The following P2RX4 variants were observed in gnomAD, a reference collection of about 807,000 sequenced individuals.
The protein encoded by P2RX4 is P2X purinoceptor 4.
Under a neutral mutation model 48.0 loss-of-function variants are expected in P2RX4, and 37 were observed. The observed-to-expected ratio is 0.77, with a 90% CI of 0.59 to 1.01. The LOEUF is 1.01. Among genes scored for constraint, P2RX4 ranks in the 50% least tolerant of loss-of-function variants. The pLI is 0.00. For synonymous variants in P2RX4, 200 were observed against 199.7 expected (o/e 1.00, Z -0.01); for missense variants, 501 against 521.4 (o/e 0.96, Z 0.38).
Position 121,233,034 on chromosome 12 carries a change from T to C in P2RX4, c.1082T>C (p.Met361Thr), listed in dbSNP as rs1459175519. Residue 361 changes from methionine to threonine, a missense_variant, in exon 11 of 12, where the codon ATG (methionine) becomes ACG (threonine). Around this residue, in one of 3 missense-constraint regions of P2RX4, gnomAD observed 197 missense variants for 219.5 expected, o/e 0.90. Coordinates refer to ENST00000337233, the MANE Select transcript of P2RX4 (RefSeq NM_002560.3). The part of the protein sequence containing the change: ...VLCDIIVLYC[M>T]KKRLYYREKK... ...TGTGACATCATAGTCCTCTACTGCA[T>C]GAAGAAAAGACTCTACTATCGGGAG... The C allele has an allele frequency of 3.7e-6, 6 of 1,614,012 alleles. No individual in the cohort carries two copies. The highest frequency in any genetic ancestry group is 1.7e-5 in the Admixed American group (1 of 60,024).
chr12:121,216,071 CTAA>C, intron 1 of P2RX4: 1 of 152,338 alleles, frequency 6.6e-6, no homozygotes, highest in South Asian at 2.1e-4. Context: ...TATGCTAACA[CTAA>C]CAATAGCTGA....
chr12:121,218,320 CTAAAAATACA>C (rs1886361691), intron 2 of P2RX4, among the ~76,000 whole-genome samples: 1 of 152,038 alleles, frequency 6.6e-6, no homozygotes, highest in South Asian at 2.1e-4. Flanking sequence ...ACCCTGTCTA[CTAAAAATACA>C]AAAATTAGTG....
At chr12:121,227,894 T>C (rs1380720436) in intron 5 of P2RX4, among the ~76,000 whole-genome samples, 4 of 146,520 alleles carry the variant, frequency 2.7e-5, no homozygotes, top group African/African-American at 7.6e-5. Context: ...AAGACCAGCC[T>C]GGGCAATGTA....
At position 121,221,951 on chromosome 12, in the gene P2RX4, C is replaced by A. The variant is rs368512274; in HGVS notation, c.321C>A (p.Leu107=). The A allele has an allele frequency of 4.3e-6, 7 of 1,614,130 alleles. No homozygotes were observed. Among genetic ancestry groups the A allele is most frequent in the South Asian group, 3.3e-5 (3 of 91,094 alleles). The change falls in exon 3 of 12, where the codon CTC becomes CTA. Residue 107 remains leucine (L), a synonymous_variant. Transcript: ENST00000337233. ...NSLFVMTNVI[L]TMNQTQGLCP... ...TCTTCGTCATGACCAACGTGATCCT[C>A]ACCATGAACCAGACACAGGGCCTGT...
chr12:121,228,407 C>CACACACACACACACAG (rs1887124506), intron 5 of P2RX4, 126 bp from the exon 6 acceptor site: 2 of 203,810 alleles, frequency 9.8e-6, no homozygotes, highest in Non-Finnish European at 1.9e-5. Flanking sequence ...TATATATATA[C>CACACACACACACACAG]ACACACACAC....
chr12:121,219,942 G>T (rs943654112), intron 2 of P2RX4, among the ~76,000 whole-genome samples: 4 of 152,132 alleles, frequency 2.6e-5, no homozygotes, highest in African/African-American at 4.8e-5. Flanking sequence ...ATCTTTTGGG[G>T]TCTTTGCCTT....
rs184319174 is a variant in P2RX4, at chr12:121,210,198, C to T, written c.34C>T (p.Leu12=). ...CTGCTGCGCCGCGCTGGCGGCCTTC[C>T]TGTTCGAGTACGACACGCCGCGCAT... ...AGCCAALAAF[L]FEYDTPRIVL... The change falls in exon 1 of 12, where the codon CTG becomes TTG. Residue 12 remains leucine, a synonymous_variant. Transcript: ENST00000337233. 1.6e-4 allele frequency: 242 copies of T among 1,546,340 alleles called. 1 individual carries two copies. Among genetic ancestry groups the T allele is most frequent in the Non-Finnish European group, 2.0e-4 (235 of 1,152,400 alleles).
chr12:121,228,717 G>A lies in P2RX4; in HGVS notation c.606-8G>A, dbSNP rs764157660. 16 of 1,613,838 alleles carry A rather than the reference G, an allele frequency of 9.9e-6. No homozygotes were observed. Among genetic ancestry groups the A allele is most frequent in the Middle Eastern group, 1.7e-4 (1 of 6,060 alleles). On this transcript the variant is annotated splice_polypyrimidine_tract_variant and splice_region_variant and intron_variant, in intron 6 of 11. Coordinates refer to ENST00000337233, the MANE Select transcript of P2RX4 (RefSeq NM_002560.3). ...TCGCTCTGATTTTCTGCTTCCTCTCGACTTTAGGAGGAATATCCTTCCCAA... is the reference window on the plus strand; with the variant it reads ...TCGCTCTGATTTTCTGCTTCCTCTCAACTTTAGGAGGAATATCCTTCCCAA...
chr12:121,221,542 C>T (rs1335510097), intron 2 of P2RX4, among the ~76,000 whole-genome samples: 7 of 151,738 alleles, frequency 4.6e-5, no homozygotes, highest in African/African-American at 1.7e-4. Flanking sequence ...TACAGGTGCC[C>T]GCCATCACAC....
At chr12:121,225,045 T>C (rs1443961980) in intron 5 of P2RX4, among the ~76,000 whole-genome samples, 1 of 151,420 alleles carries the variant, frequency 6.6e-6, no homozygotes, top group Non-Finnish European at 1.5e-5. Flanking sequence ...GGGCTGTCCA[T>C]AGGAAGTGCA....
At chr12:121,217,771 A>G (rs933321233) in intron 2 of P2RX4, among the ~76,000 whole-genome samples, 10 of 150,952 alleles carry the variant, frequency 6.6e-5, no homozygotes, top group East Asian at 5.8e-4. Flanking sequence ...ATAAAAAAAA[A>G]AAAAAAGAAA....
Position 121,221,851 on chromosome 12 carries a change from C to T in P2RX4, c.283-62C>T, listed in dbSNP as rs1886631783. On this transcript the variant is annotated intron_variant, in intron 2 of 11. Coordinates refer to ENST00000337233, the MANE Select transcript of P2RX4 (RefSeq NM_002560.3). Reference sequence around the variant, plus strand: ...AGTTGTCCTCTTCAGTCAGCGTCTGCCTTTCTTGGCTCTCCGTGAGTCCTC... The same window carrying T: ...AGTTGTCCTCTTCAGTCAGCGTCTGTCTTTCTTGGCTCTCCGTGAGTCCTC... 5.6e-6 allele frequency: 8 copies of T among 1,416,242 alleles called. No individual in the cohort carries two copies. In the Admixed American group the frequency reaches 1.3e-4, roughly 24 times the overall value. 87.7% of individuals were successfully genotyped at this position (1,416,242 alleles called of 1,614,324 possible).
intron 2 of P2RX4, among the ~76,000 whole-genome samples, chr12:121,219,582 T>G (rs1431133976): frequency 1.1e-5 from 1 of 90,304 alleles, no homozygotes; most frequent in Non-Finnish European, 2.4e-5. Context: ...GGGTGGTGGA[T>G]GGATGGATGG....
Position 121,221,945 on chromosome 12 carries a change from G to T in P2RX4, c.315G>T (p.Val105=). The T allele has an allele frequency of 6.2e-7, 1 of 1,614,214 alleles. No individual in the cohort carries two copies. ...ACTCCCTCTTCGTCATGACCAACGT[G>T]ATCCTCACCATGAACCAGACACAGG... ...EENSLFVMTN[V]ILTMNQTQGL... The change falls in exon 3 of 12, where the codon GTG becomes GTT. Residue 105 remains valine (V), a synonymous_variant. Transcript: ENST00000337233.
chr12:121,210,375 C>T, intron 1 of P2RX4, 77 bp downstream of exon 1: 4 of 1,329,370 alleles, frequency 3.0e-6, no homozygotes, highest in South Asian at 1.9e-5. Context: ...ATCCTGGCCT[C>T]GGTCACCTGG....
chr12:121,222,423 G>GT (rs1166305949), intron 4 of P2RX4: 14 of 390,346 alleles, frequency 3.6e-5, no homozygotes, highest in Non-Finnish European at 5.9e-5. Context: ...TTGTTTTTTT[G>GT]TTTTTTTGAG....
intron 4 of P2RX4, chr12:121,222,370 T>G (rs1886679347): frequency 1.7e-6 from 1 of 572,474 alleles, no homozygotes; most frequent in African/African-American, 1.9e-5. Flanking sequence ...TACTGTTTTT[T>G]TTTTTGTTGT....
chr12:121,219,212 C>T (rs1052296747), intron 2 of P2RX4, among the ~76,000 whole-genome samples: 7 of 152,196 alleles, frequency 4.6e-5, no homozygotes, highest in African/African-American at 9.6e-5. Context: ...CACATCCTCA[C>T]GCCTCCTCCT....
chr12:121,219,083 C>A (rs541024106), intron 2 of P2RX4, among the ~76,000 whole-genome samples: 1 of 152,258 alleles, frequency 6.6e-6, no homozygotes, highest in Non-Finnish European at 1.5e-5. Flanking sequence ...CTGGATTGTT[C>A]CAAGTATAAC....
Sources: allele counts gnomAD v4.1 joint callset (sites outside exome capture counted in the v4.1 genomes callset), GRCh38; gene constraint gnomAD v4.1.1; regional missense constraint gnomAD v4.1.1; transcripts MANE v1.5; gene names NCBI Gene and HGNC (gene_info 2026-07-23, HGNC 2026-07-21).